The following MIOS variants were observed in gnomAD, a reference collection of about 807,000 sequenced individuals.
MIOS encodes GATOR2 complex protein MIOS.
A neutral mutation model predicts 96.9 loss-of-function variants in MIOS; 52 were observed. The ratio of observed to expected loss-of-function variants is 0.54; its 90% confidence interval spans 0.43 to 0.68. MIOS has a LOEUF of 0.68. MIOS is among the 30% of genes least tolerant of loss of function. The pLI is 0.00. For missense variants in MIOS, 1,005 were observed against 1,052.8 expected (o/e 0.95, Z 0.63); for synonymous variants, 397 against 359.5 (o/e 1.10, Z -1.18).
intron 11 of MIOS, among the ~76,000 whole-genome samples, chr7:7,600,897 C>T (rs1309163047): frequency 1.3e-5 from 2 of 152,138 alleles, no homozygotes; most frequent in Non-Finnish European, 2.9e-5. Context: ...CAAACTAGAA[C>T]TCAGGATTAA....
intron 9 of MIOS, among the ~76,000 whole-genome samples, chr7:7,593,765 G>A (rs1450193725): frequency 6.6e-6 from 1 of 150,668 alleles, no homozygotes; most frequent in African/African-American, 2.4e-5. Context: ...GCACACCCCT[G>A]TAATCCCAGC....
At chr7:7,582,748 T>G (rs1340218216) in intron 5 of MIOS, 3 of 389,858 alleles carry the variant, frequency 7.7e-6, no homozygotes, top group Non-Finnish European at 1.1e-5. Flanking sequence ...GGAGAAGAGA[T>G]AAGACTGAAA....
intron 11 of MIOS, among the ~76,000 whole-genome samples, chr7:7,600,080 G>A (rs10228102): frequency 6.6e-6 from 1 of 151,904 alleles, no homozygotes; most frequent in Non-Finnish European, 1.5e-5. Flanking sequence ...TTATTACCTG[G>A]ATGATGAAAT....
chr7:7,577,220 G>GT (rs1783564238), intron 5 of MIOS, among the ~76,000 whole-genome samples: 1 of 152,280 alleles, frequency 6.6e-6, no homozygotes, highest in East Asian at 1.9e-4. Context: ...TACCAACCTA[G>GT]TATACATTCA....
chr7:7,580,877 G>C (rs1423316278), intron 5 of MIOS, among the ~76,000 whole-genome samples: 1 of 150,036 alleles, frequency 6.7e-6, no homozygotes, highest in Non-Finnish European at 1.5e-5. Flanking sequence ...AGTAGAGACC[G>C]GGTTTTGCCA....
chr7:7,607,811 G>C lies in MIOS; in HGVS notation c.*719G>C, dbSNP rs1033230201. The C allele has an allele frequency of 2.0e-5, 3 of 152,190 alleles. No homozygotes were observed. In the South Asian group the frequency reaches 6.2e-4, roughly 32 times the overall value. 9.4% of individuals were successfully genotyped at this position (152,190 alleles called of 1,614,324 possible). On this transcript the variant is annotated 3_prime_UTR_variant, in exon 13 of 13. Transcript: ENST00000340080. ...TTTTCTCTTCAGTAGAGAAAAACAT[G>C]TACCATTTCAGGTGAACATACAAAA...
chr7:7,589,433 A>T lies in MIOS; in HGVS notation c.1913A>T (p.Asn638Ile). ...AATAGATACATCGAAAAGTTGACCA[A>T]TGAAATGAAAGAGGCTGGAAATTTG... ...QLNRYIEKLT[N>I]EMKEAGNLEG... is the part of the protein sequence containing the mutation. Residue 638 changes from asparagine (N) to isoleucine (I), a missense_variant, in exon 9 of 13, where the codon AAT becomes ATT. This residue lies in a region of MIOS where 865 missense variants were observed against 887.9 expected (regional missense o/e 0.97). Coordinates refer to ENST00000340080, the MANE Select transcript of MIOS (RefSeq NM_019005.4). 1 of 1,613,616 alleles carries T rather than the reference A, an allele frequency of 6.2e-7. No individual in the cohort carries two copies. The highest frequency in any genetic ancestry group is 1.3e-5 in the African/African-American group (1 of 75,020).
In MIOS at chr7:7,573,429, G is replaced by A; in HGVS notation, c.954G>A (p.Val318=). The change falls in exon 4 of 13, where the codon GTG becomes GTA. Residue 318 remains valine, a synonymous_variant. Coordinates refer to ENST00000340080, the MANE Select transcript of MIOS (RefSeq NM_019005.4). The surrounding 1 kb of genome is among the most constrained non-coding windows in gnomAD (Gnocchi z 5.0). ...AACCCACAATAATTGAAAGAAGTGT[G>A]CAACCTTGTGACAATTACATTGCTT... ...ETEPTIIERS[V]QPCDNYIASF... 6.2e-7 allele frequency: 1 copy of A among 1,614,126 alleles called. No homozygotes were observed. Among genetic ancestry groups the A allele is most frequent in the Non-Finnish European group, 8.5e-7 (1 of 1,179,962 alleles).
At chr7:7,584,514 A>G (rs183538476) in intron 6 of MIOS, among the ~76,000 whole-genome samples, 1 of 152,174 alleles carries the variant, frequency 6.6e-6, no homozygotes, top group Non-Finnish European at 1.5e-5. Context: ...AAATTGTTCT[A>G]TACAAAATCC....
At chr7:7,601,005 T>A (rs1784359692) in intron 11 of MIOS, among the ~76,000 whole-genome samples, 1 of 152,120 alleles carries the variant, frequency 6.6e-6, no homozygotes, top group Non-Finnish European at 1.5e-5. Flanking sequence ...AATAAAGATG[T>A]TCTTTGAAAC....
chr7:7,594,331 G>T (rs569157772), intron 9 of MIOS, among the ~76,000 whole-genome samples: 1 of 150,690 alleles, frequency 6.6e-6, no homozygotes, highest in South Asian at 2.1e-4. Flanking sequence ...TTTTTAAATG[G>T]AGTCTCATTC....
chr7:7,598,514 C>G (rs892498577), intron 11 of MIOS, among the ~76,000 whole-genome samples: 1 of 150,304 alleles, frequency 6.7e-6, no homozygotes, highest in African/African-American at 2.5e-5. Flanking sequence ...ATACTGATCA[C>G]TGTTTTATGT....
intron 5 of MIOS, among the ~76,000 whole-genome samples, chr7:7,580,001 C>A (rs967306546): frequency 1.8e-4 from 27 of 152,140 alleles, no homozygotes; most frequent in African/African-American, 4.8e-4. Flanking sequence ...TATTATTAAG[C>A]TGTAAGGAAC....
Position 7,595,122 on chromosome 7 carries a change from C to T in MIOS, c.2186C>T (p.Pro729Leu). 2.5e-6 allele frequency: 4 copies of T among 1,610,558 alleles called. No individual in the cohort carries two copies. The highest frequency in any genetic ancestry group is 1.7e-4 in the Middle Eastern group (1 of 6,042). Residue 729 changes from proline to leucine, a missense_variant, in exon 10 of 13, where the codon CCT (proline) becomes CTT (leucine). Pro to Leu is a moderately conservative substitution (Grantham distance 98, BLOSUM62 -3). This residue lies in a region of MIOS where 865 missense variants were observed against 887.9 expected (regional missense o/e 0.97). Coordinates refer to ENST00000340080, the MANE Select transcript of MIOS (RefSeq NM_019005.4). ...AGTAAGTTGGATCCCAGTTCCAAGC[C>T]TTTAGCACAAGTAAGTACATTGTTT... ...HRSKLDPSSK[P>L]LAQVFVSCNF...
At chr7:7,581,476 A>G (rs780236980) in intron 5 of MIOS, among the ~76,000 whole-genome samples, 18 of 152,056 alleles carry the variant, frequency 1.2e-4, no homozygotes, top group African/African-American at 3.4e-4. Context: ...CGTCATTTCC[A>G]TGGGTCAGGA....
intron 5 of MIOS, among the ~76,000 whole-genome samples, chr7:7,581,309 A>G (rs894935686): frequency 6.6e-6 from 1 of 152,114 alleles, no homozygotes; most frequent in Non-Finnish European, 1.5e-5. Flanking sequence ...TCTCAAAAAA[A>G]GAAAAGAAAA....
chr7:7,584,703 G>C (rs967561565), intron 6 of MIOS, among the ~76,000 whole-genome samples: 1 of 152,056 alleles, frequency 6.6e-6, no homozygotes, highest in African/African-American at 2.4e-5. Flanking sequence ...AAAAAGATTA[G>C]AATCAAGAAA....
rs1783380547 is a variant in MIOS, at chr7:7,572,268, T to C, written c.-40-168T>C. On this transcript the variant is annotated intron_variant, in intron 3 of 12. Coordinates refer to ENST00000340080, the MANE Select transcript of MIOS (RefSeq NM_019005.4). The surrounding 1 kb of genome is among the most constrained non-coding windows in gnomAD (Gnocchi z 4.8). ...AAGTGGTTGTTCTTTCTCCTTTTTTTTCAATAAATATTTTCTTGAATTCAT... is the reference window on the plus strand; with the variant it reads ...AAGTGGTTGTTCTTTCTCCTTTTTTCTCAATAAATATTTTCTTGAATTCAT... Among the ~76,000 whole-genome samples, 1 of 152,222 alleles carries C rather than the reference T, an allele frequency of 6.6e-6. No homozygotes were observed.
intron 9 of MIOS, among the ~76,000 whole-genome samples, chr7:7,590,210 T>C (rs10257279): frequency 0.013 from 1,907 of 152,246 alleles, 46 homozygotes; most frequent in African/African-American, 0.043. Flanking sequence ...TATGGTAGCA[T>C]ACTGTGTACT....
Sources: gnomAD v4.1 joint callset for allele counts (sites outside exome capture counted in the v4.1 genomes callset) on GRCh38, gnomAD v4.1.1 for gene constraint, gnomAD v4.1.1 regional missense constraint, Gnocchi (gnomAD v3.1) non-coding constraint, MANE v1.5 for transcripts, NCBI Gene and HGNC (gene_info 2026-07-23, HGNC 2026-07-21) for gene names.